Variants in PIP5K1B observed in about 807,000 individuals in gnomAD.
PIP5K1B encodes the protein phosphatidylinositol-4-phosphate 5-kinase type 1 beta.
A neutral mutation model predicts 67.0 loss-of-function variants in PIP5K1B; 42 were observed. The observed-to-expected ratio is 0.63, with a 90% confidence interval of 0.49 to 0.81. The LOEUF is 0.81. Among genes scored for constraint, PIP5K1B ranks in the 30% least tolerant of loss-of-function variants. PIP5K1B has a pLI of 0.00. For synonymous variants in PIP5K1B, 214 were observed against 231.4 expected, an observed-to-expected ratio of 0.92 and a Z score of 0.68; for missense variants, 459 against 646.3, an observed-to-expected ratio of 0.71 and a Z score of 3.14.
At chr9:68,773,810 G>T (rs2132430525) in intron 2 of PIP5K1B, among the ~76,000 whole-genome samples, 1 of 152,224 alleles carries the variant, frequency 6.6e-6, no homozygotes, top group East Asian at 1.9e-4. Flanking sequence ...AACATAGAGG[G>T]TGTCTGTACT....
chr9:68,977,671 T>TTC (rs1215646365), intron 14 of PIP5K1B, among the ~76,000 whole-genome samples: 2 of 150,958 alleles, frequency 1.3e-5, no homozygotes, highest in Admixed American at 6.6e-5. Context: ...TTTTTTTTTT[T>TTC]CGAGACGGAG....
chr9:68,769,675 T>C (rs911546279), intron 2 of PIP5K1B, among the ~76,000 whole-genome samples: 1 of 152,214 alleles, frequency 6.6e-6, no homozygotes, highest in Non-Finnish European at 1.5e-5. Flanking sequence ...ACTCTAGGCT[T>C]TTGGTCCCAT....
intron 15 of PIP5K1B, among the ~76,000 whole-genome samples, chr9:68,996,878 A>G (rs1013304719): frequency 1.3e-5 from 2 of 152,224 alleles, no homozygotes; most frequent in African/African-American, 4.8e-5. Context: ...CCTTGCTTCT[A>G]CTATTCATAC....
chr9:68,942,369 T>C (rs1038953207), intron 14 of PIP5K1B, among the ~76,000 whole-genome samples: 1 of 152,244 alleles, frequency 6.6e-6, no homozygotes, highest in Non-Finnish European at 1.5e-5. Context: ...ATGATAATTA[T>C]TGGGGCATAT....
chr9:68,735,536 G>A (rs1828697107), intron 1 of PIP5K1B, among the ~76,000 whole-genome samples: 3 of 151,802 alleles, frequency 2.0e-5, no homozygotes, highest in Admixed American at 6.6e-5. Flanking sequence ...TTACAGGCAT[G>A]TGCTACCACG....
In PIP5K1B at chr9:68,712,171, A is replaced by C. The variant is rs545567118; in HGVS notation, c.-243+6409A>C. On this transcript the variant is annotated intron_variant, in intron 1 of 15. Transcript: ENST00000265382. ...AGCTCTTGCTCTATGAGTTTACATG[A>C]GATCTGGTTGTTTCAAAGCGTGTGG... Among the ~76,000 whole-genome samples, 3 of 152,238 alleles carry C rather than the reference A, an allele frequency of 2.0e-5. No homozygotes were observed. In the South Asian group the frequency reaches 6.2e-4, roughly 32 times the overall value.
At chr9:68,796,596 A>G (rs1208648626) in intron 2 of PIP5K1B, among the ~76,000 whole-genome samples, 2 of 152,132 alleles carry the variant, frequency 1.3e-5, no homozygotes, top group Non-Finnish European at 2.9e-5. Context: ...CAAACTAGAG[A>G]GTTTTGATAA....
intron 2 of PIP5K1B, among the ~76,000 whole-genome samples, chr9:68,810,359 AGAAGT>A (rs1328001081): frequency 6.6e-6 from 1 of 152,244 alleles, no homozygotes; most frequent in Non-Finnish European, 1.5e-5. Context: ...ATAATCGAAG[AGAAGT>A]GGACAGCAGC....
At chr9:68,869,441 G>A (rs985116219) in intron 5 of PIP5K1B, among the ~76,000 whole-genome samples, 2 of 152,130 alleles carry the variant, frequency 1.3e-5, no homozygotes, top group African/African-American at 4.8e-5. Context: ...CACAAAACTG[G>A]TCCCTGGTGC....
In PIP5K1B at chr9:68,930,601, T is replaced by TA. The variant is rs200904392; in HGVS notation, c.1202-4289_1202-4288insA. The stretch of plus-strand genomic sequence containing the variant: ...TTTGGTTTGCAGGTTTTATTATTAT[T>TA]TTTTTTTTTGCATAAAGTTGTGGCC... On this transcript the variant is annotated intron_variant, in intron 12 of 15. Transcript: ENST00000265382. Among the ~76,000 whole-genome samples the TA allele has an allele frequency of 5.5e-3, 838 of 151,144 alleles. 11 individuals are homozygous for TA. The highest frequency in any genetic ancestry group is 0.02 in the African/African-American group (803 of 41,146).
At chr9:68,855,282 A>T (rs557968052) in intron 4 of PIP5K1B, among the ~76,000 whole-genome samples, 1 of 152,098 alleles carries the variant, frequency 6.6e-6, no homozygotes, top group African/African-American at 2.4e-5. Context: ...TCCTCCTTCC[A>T]TCTATTTTCT....
chr9:68,875,301 A>G (rs1202239303), intron 5 of PIP5K1B, among the ~76,000 whole-genome samples: 17 of 128,794 alleles, frequency 1.3e-4, no homozygotes, highest in African/African-American at 4.5e-4. Flanking sequence ...TCAGCAAAAA[A>G]AAAAAAAAAA....
intron 4 of PIP5K1B, among the ~76,000 whole-genome samples, chr9:68,827,283 G>A (rs924963048): frequency 2.0e-5 from 3 of 152,144 alleles, no homozygotes; most frequent in African/African-American, 7.2e-5. Context: ...CTGGTTTGAG[G>A]TGTTTGGATT....
At chr9:68,951,060 G>A (rs1828042561) in intron 14 of PIP5K1B, among the ~76,000 whole-genome samples, 1 of 152,144 alleles carries the variant, frequency 6.6e-6, no homozygotes, top group African/African-American at 2.4e-5. Context: ...TGTAAGGAGG[G>A]AACTAGGAGA....
intron 2 of PIP5K1B, among the ~76,000 whole-genome samples, chr9:68,747,197 G>C (rs921548768): frequency 2.7e-5 from 4 of 149,580 alleles, no homozygotes; most frequent in Non-Finnish European, 5.9e-5. Flanking sequence ...AGATTTCCTG[G>C]GCAACAACTT....
chr9:68,956,963 C>T (rs989981586), intron 14 of PIP5K1B, among the ~76,000 whole-genome samples: 1 of 152,070 alleles, frequency 6.6e-6, no homozygotes, highest in Non-Finnish European at 1.5e-5. Flanking sequence ...CTGTGATTGT[C>T]ATGACACAAA....
chr9:68,775,260 A>G (rs1042832588), intron 2 of PIP5K1B, among the ~76,000 whole-genome samples: 2 of 152,340 alleles, frequency 1.3e-5, no homozygotes, highest in South Asian at 2.1e-4. Context: ...AAACTAGCAC[A>G]TATTTCTTTT....
chr9:68,974,359 C>A (rs767953312), intron 14 of PIP5K1B, among the ~76,000 whole-genome samples: 16 of 152,212 alleles, frequency 1.1e-4, no homozygotes, highest in Non-Finnish European at 2.2e-4. Flanking sequence ...GTTGTCAATT[C>A]TAATGCACAT....
intron 14 of PIP5K1B, among the ~76,000 whole-genome samples, chr9:68,946,404 G>GT (rs371751456): frequency 0.064 from 9,508 of 147,514 alleles, 889 homozygotes; most frequent in African/African-American, 0.2. Context: ...TTTGTTTTTT[G>GT]TTTTTTTTTT....
Sources: gnomAD v4.1 joint callset for allele counts (sites outside exome capture counted in the v4.1 genomes callset) on GRCh38, gnomAD v4.1.1 for gene constraint, MANE v1.5 for transcripts, NCBI Gene and HGNC (gene_info 2026-07-23, HGNC 2026-07-21) for gene names.